Variants in MICAL3 observed in about 807,000 individuals in gnomAD.
The protein encoded by MICAL3 is [F-actin]-monooxygenase MICAL3.
In MICAL3, 62 loss-of-function variants were observed where a neutral mutation model predicts 207.4. The observed-to-expected ratio is 0.30, with a 90% CI of 0.24 to 0.37. MICAL3 has a LOEUF of 0.37. MICAL3 is among the 10% of genes least tolerant of loss of function. MICAL3 has a pLI of 1.00. For synonymous variants in MICAL3, 1,077 were observed against 1,069.3 expected (o/e 1.01, Z -0.14); for missense variants, 2,368 against 2,635.6 (o/e 0.90, Z 2.22).
chr22:18,004,446 G>A (rs9618182), intron 1 of MICAL3: 21,674 of 151,948 alleles, frequency 0.14, 2,524 homozygotes, highest in East Asian at 0.47. Context: ...TTTTTAGTAG[G>A]GACGGGGTTT....
intron 1 of MICAL3, among the ~76,000 whole-genome samples, chr22:17,916,788 G>A (rs896812550): frequency 9.9e-5 from 15 of 152,180 alleles, no homozygotes; most frequent in African/African-American, 3.1e-4. Flanking sequence ...GCCTCTGCAC[G>A]TTGAAATGGC....
Position 17,827,732 on chromosome 22 carries a change from C to A in MICAL3, c.3105G>T (p.Glu1035Asp). 1.3e-6 allele frequency: 2 copies of A among 1,570,304 alleles called. No homozygotes were observed. Among genetic ancestry groups the A allele is most frequent in the Non-Finnish European group, 1.7e-6 (2 of 1,157,946 alleles). ...GAGTCCAGTGCACGTCAGCCTGGAT[C>A]TCCAGAGGATCCGCCGCGTGCATGA... ...QQVMHAADPL[E>D]IQADVHWTHI... is the part of the protein sequence containing the mutation. Residue 1035 changes from glutamate to aspartate, a missense_variant, in exon 22 of 32, where the codon GAG becomes GAT. Coordinates refer to ENST00000441493, the MANE Select transcript of MICAL3 (RefSeq NM_015241.3).
At position 17,796,136 on chromosome 22, in the gene MICAL3, C is replaced by A. The variant is rs1430457713; in HGVS notation, c.5651-4835G>T. Among the ~76,000 whole-genome samples, 1 of 152,204 alleles carries A rather than the reference C, an allele frequency of 6.6e-6. No individual in the cohort carries two copies. Among genetic ancestry groups the A allele is most frequent in the Non-Finnish European group, 1.5e-5 (1 of 68,036 alleles). ...GCGCTGGCCACCCCTCCTGAGCTCC[C>A]GAGCAGTGAGCGGGTCCTGGTCAGA... is the stretch of plus-strand genomic sequence containing the variant. On this transcript the variant is annotated intron_variant, in intron 29 of 31. Coordinates refer to ENST00000441493, the MANE Select transcript of MICAL3 (RefSeq NM_015241.3). This position sits in a 1 kb window ranked among gnomAD's most constrained non-coding sequence, Gnocchi z 4.4.
At position 17,801,907 on chromosome 22, in the gene MICAL3, AAAC is replaced by A. The variant is rs375062155; in HGVS notation, c.5650+6934_5650+6936del. On this transcript the variant is annotated intron_variant, in intron 29 of 31. Transcript: ENST00000441493. ...AGACTCCATCTCAAAAAAAACAAAC[AAAC>A]AACAACAACAACAACAAAAAACCCA... is the stretch of plus-strand genomic sequence containing the variant. Among the ~76,000 whole-genome samples, 1,282 of 151,794 alleles carry A rather than the reference AAAC, an allele frequency of 8.4e-3. 15 individuals carry two copies. Among genetic ancestry groups the A allele is most frequent in the African/African-American group, 0.029 (1,212 of 41,324 alleles).
intron 29 of MICAL3, among the ~76,000 whole-genome samples, chr22:17,798,173 G>A (rs1344033648): frequency 6.6e-6 from 1 of 152,184 alleles, no homozygotes; most frequent in African/African-American, 2.4e-5. Flanking sequence ...TATGAGCCGA[G>A]CCACCATTTA....
At chr22:17,822,267 C>T in intron 23 of MICAL3, 97 bp from the exon 24 acceptor site, 2 of 1,428,536 alleles carry the variant, frequency 1.4e-6, no homozygotes, top group South Asian at 1.4e-5. Context: ...ATTTGCAACA[C>T]AGCTGCTCAG....
chr22:17,995,789 A>T (rs899052124), intron 1 of MICAL3, among the ~76,000 whole-genome samples: 2 of 152,004 alleles, frequency 1.3e-5, no homozygotes, highest in African/African-American at 2.4e-5. Flanking sequence ...GATTACAGGC[A>T]TGACCCACCA....
chr22:17,860,946 C>A, intron 19 of MICAL3: 3 of 984,486 alleles, frequency 3.0e-6, no homozygotes, highest in Non-Finnish European at 3.6e-6. Flanking sequence ...TAGGGTGCAA[C>A]ATATAAATAA....
intron 1 of MICAL3, among the ~76,000 whole-genome samples, chr22:17,920,476 G>A (rs1470721326): frequency 1.3e-5 from 2 of 152,098 alleles, no homozygotes; most frequent in African/African-American, 2.4e-5. Context: ...GCTCAGACGC[G>A]TTCCGGTCTT....
intron 13 of MICAL3, among the ~76,000 whole-genome samples, chr22:17,888,797 C>T (rs927504922): frequency 2.6e-5 from 4 of 152,124 alleles, no homozygotes; most frequent in African/African-American, 9.7e-5. Context: ...GGCACAGGAA[C>T]GATTTCTGCA....
chr22:17,817,706 C>A lies in MICAL3; in HGVS notation c.4955G>T (p.Arg1652Leu). ...CTCCTCGGAGCCCCTGAGAGTGGGG[C>A]GTGTGGGGGAGTCAGGCCGGCGCTC... ...GKERRPDSPT[R>L]PTLRGSEEPT... The change falls in exon 26 of 32, where the codon CGC becomes CTC. Residue 1652 changes from arginine to leucine, a missense_variant. Coordinates refer to ENST00000441493, the MANE Select transcript of MICAL3 (RefSeq NM_015241.3). The A allele has an allele frequency of 6.3e-7, 1 of 1,598,130 alleles. No individual in the cohort carries two copies. The highest frequency in any genetic ancestry group is 8.5e-7 in the Non-Finnish European group (1 of 1,173,538).
intron 16 of MICAL3, chr22:17,881,142 A>T: frequency 2.3e-6 from 3 of 1,328,962 alleles, no homozygotes; most frequent in Non-Finnish European, 3.2e-6. Flanking sequence ...TCTCTACACT[A>T]GCCACCTACA....
At chr22:17,840,753 G>C (rs1285948820) in intron 20 of MICAL3, 1 of 152,378 alleles carries the variant, frequency 6.6e-6, no homozygotes, top group African/African-American at 2.4e-5. Context: ...TGGGCACAGT[G>C]GGGAGAGTGG....
At chr22:17,826,519 G>A in intron 22 of MICAL3, 1 of 985,834 alleles carries the variant, frequency 1.0e-6, no homozygotes, top group Non-Finnish European at 1.2e-6. Flanking sequence ...GTCGGGCACT[G>A]AATTTAAAAC....
chr22:18,008,658 T>A (rs968564091), intron 1 of MICAL3, among the ~76,000 whole-genome samples: 3 of 152,226 alleles, frequency 2.0e-5, no homozygotes, highest in African/African-American at 7.2e-5. Context: ...CTCGAAGACA[T>A]CATTCTAGGT....
chr22:17,820,727 A>G (rs945229760), intron 25 of MICAL3, among the ~76,000 whole-genome samples: 1 of 151,908 alleles, frequency 6.6e-6, no homozygotes, highest in Non-Finnish European at 1.5e-5. Context: ...TATCAAACCA[A>G]CCATCCCATC....
intron 19 of MICAL3, among the ~76,000 whole-genome samples, chr22:17,856,415 C>T (rs1046929206): frequency 6.6e-6 from 1 of 152,116 alleles, no homozygotes; most frequent in African/African-American, 2.4e-5. Context: ...CCTGGCCCTT[C>T]ATTCTCCTCT....
intron 1 of MICAL3, among the ~76,000 whole-genome samples, chr22:17,974,794 G>A (rs923131861): frequency 7.9e-5 from 12 of 151,034 alleles, no homozygotes; most frequent in Non-Finnish European, 1.2e-4. Context: ...GTGGTAGCAC[G>A]TAATATGTGC....
chr22:17,945,762 C>T (rs1239124771), intron 1 of MICAL3, among the ~76,000 whole-genome samples: 1 of 152,120 alleles, frequency 6.6e-6, no homozygotes, highest in African/African-American at 2.4e-5. Flanking sequence ...ACAGCCAAAG[C>T]TTCTCTTCTG....
Sources: allele counts gnomAD v4.1 joint callset (sites outside exome capture counted in the v4.1 genomes callset), GRCh38; gene constraint gnomAD v4.1.1; non-coding constraint Gnocchi (gnomAD v3.1); transcripts MANE v1.5; gene names NCBI Gene and HGNC (gene_info 2026-07-23, HGNC 2026-07-21).